The following PTN variants were observed in gnomAD, a reference collection of about 807,000 sequenced individuals.
PTN encodes pleiotrophin, also known as heparin affin regulatory protein.
Under a neutral mutation model 24.1 loss-of-function variants are expected in PTN, and 18 were observed. The observed-to-expected ratio is 0.75, with a 90% CI of 0.52 to 1.11. The LOEUF is 1.11. Among genes scored for constraint, PTN ranks in the 50% least tolerant of loss-of-function variants. The probability of loss-of-function intolerance (pLI) is 0.00; values close to 1 mark genes in which losing one functional copy is unlikely to be tolerated. For synonymous variants in PTN, 78 were observed against 68.6 expected (o/e 1.14, Z -0.67); for missense variants, 163 against 198.8 (o/e 0.82, Z 1.08).
chr7:137,278,954 T>C (rs1383371160), intron 1 of PTN, among the ~76,000 whole-genome samples: 2 of 137,842 alleles, frequency 1.5e-5, no homozygotes, highest in African/African-American at 5.5e-5. Context: ...ACAATAATAA[T>C]AATAATAATA....
At chr7:137,332,124 T>TA (rs1335827218) in intron 1 of PTN, among the ~76,000 whole-genome samples, 2 of 152,240 alleles carry the variant, frequency 1.3e-5, no homozygotes. Context: ...GCATAGCTGT[T>TA]AAAACATATT....
At chr7:137,323,753 C>T (rs1222599127) in intron 1 of PTN, among the ~76,000 whole-genome samples, 1 of 152,114 alleles carries the variant, frequency 6.6e-6, no homozygotes, top group Non-Finnish European at 1.5e-5. Context: ...TTAGAATCAC[C>T]ATGAGGGCTC....
intron 1 of PTN, among the ~76,000 whole-genome samples, chr7:137,284,302 C>A (rs1371138606): frequency 6.6e-6 from 1 of 152,010 alleles, no homozygotes; most frequent in African/African-American, 2.4e-5. Flanking sequence ...TGCTTCCTGA[C>A]CCTTCAGGAA....
chr7:137,270,187 G>A (rs1467357986), intron 1 of PTN, among the ~76,000 whole-genome samples: 14 of 152,268 alleles, frequency 9.2e-5, no homozygotes, highest in African/African-American at 3.4e-4. Context: ...TCCTCTCATA[G>A]GAAGTACAGA....
chr7:137,234,088 A>G (rs979673233), intron 4 of PTN, among the ~76,000 whole-genome samples: 18 of 151,848 alleles, frequency 1.2e-4, no homozygotes, highest in African/African-American at 4.4e-4. Flanking sequence ...GACTTTACTT[A>G]GGAATATATT....
chr7:137,318,261 C>T (rs1810106098), intron 1 of PTN, among the ~76,000 whole-genome samples: 1 of 152,098 alleles, frequency 6.6e-6, no homozygotes, highest in African/African-American at 2.4e-5. Context: ...GTGTGAGACT[C>T]GTCTTAATAA....
At chr7:137,335,090 G>A (rs1810424375) in intron 1 of PTN, among the ~76,000 whole-genome samples, 2 of 147,372 alleles carry the variant, frequency 1.4e-5, no homozygotes, top group Admixed American at 6.7e-5. Flanking sequence ...TATACCTAAT[G>A]CTAAATGACG....
intron 1 of PTN, among the ~76,000 whole-genome samples, chr7:137,288,444 T>C (rs1436289498): frequency 6.6e-6 from 1 of 152,328 alleles, no homozygotes. Flanking sequence ...TTTTCTAATA[T>C]GTTAAATGTG....
chr7:137,229,292 A>G (rs1808388935), intron 4 of PTN, among the ~76,000 whole-genome samples: 1 of 151,790 alleles, frequency 6.6e-6, no homozygotes, highest in African/African-American at 2.4e-5. Flanking sequence ...TGAGCAGGTC[A>G]ATGAATGTGC....
chr7:137,228,309 C>T (rs1808369241), intron 4 of PTN, among the ~76,000 whole-genome samples: 2 of 151,656 alleles, frequency 1.3e-5, no homozygotes, highest in Admixed American at 1.3e-4. Flanking sequence ...TGAGAGTGGG[C>T]AGGAGGAACA....
chr7:137,282,566 G>A (rs188481850), intron 1 of PTN, among the ~76,000 whole-genome samples: 1 of 151,848 alleles, frequency 6.6e-6, no homozygotes, highest in African/African-American at 2.4e-5. Flanking sequence ...CTTTTTGGAG[G>A]CCATTAAAAA....
At chr7:137,310,580 A>G (rs1809965322) in intron 1 of PTN, among the ~76,000 whole-genome samples, 1 of 151,180 alleles carries the variant, frequency 6.6e-6, no homozygotes, top group Non-Finnish European at 1.5e-5. Context: ...CTTTTTTTGT[A>G]TTTTTAGTAG....
At chr7:137,257,846 G>A (rs927318476) in intron 1 of PTN, among the ~76,000 whole-genome samples, 15 of 152,152 alleles carry the variant, frequency 9.9e-5, no homozygotes, top group Non-Finnish European at 2.1e-4. Context: ...CCCAAGCCAT[G>A]GGATGCTCAT....
chr7:137,247,857 A>G (rs1205776969), intron 4 of PTN, among the ~76,000 whole-genome samples: 1 of 152,212 alleles, frequency 6.6e-6, no homozygotes, highest in African/African-American at 2.4e-5. Flanking sequence ...ATTAAAACCC[A>G]TGGAGGTTAG....
intron 4 of PTN, among the ~76,000 whole-genome samples, chr7:137,242,766 C>T (rs1808652894): frequency 6.6e-6 from 1 of 152,178 alleles, no homozygotes; most frequent in African/African-American, 2.4e-5. Context: ...GTGACAAATA[C>T]CAGAAGCCTG....
At chr7:137,297,001 A>T (rs1032534762) in intron 1 of PTN, among the ~76,000 whole-genome samples, 2 of 152,096 alleles carry the variant, frequency 1.3e-5, no homozygotes, top group African/African-American at 2.4e-5. Flanking sequence ...TCCAAATCAG[A>T]GCTAATTTAA....
chr7:137,338,446 A>G (rs887317621), intron 1 of PTN, among the ~76,000 whole-genome samples: 1 of 152,240 alleles, frequency 6.6e-6, no homozygotes, highest in Non-Finnish European at 1.5e-5. Context: ...AATAAACAGC[A>G]TTAAAGGAAC....
chr7:137,269,227 C>T (rs1402528754), intron 1 of PTN, among the ~76,000 whole-genome samples: 3 of 152,226 alleles, frequency 2.0e-5, no homozygotes, highest in East Asian at 3.9e-4. Context: ...ACGTTCTGTT[C>T]TCTTCTTACT....
chr7:137,315,664 C>T (rs532763271), intron 1 of PTN, among the ~76,000 whole-genome samples: 1 of 152,286 alleles, frequency 6.6e-6, no homozygotes, highest in South Asian at 2.1e-4. Context: ...TTCCGTCTCA[C>T]ACCCCTTACT....
Sources: allele counts gnomAD v4.1 joint callset (sites outside exome capture counted in the v4.1 genomes callset), GRCh38; gene constraint gnomAD v4.1.1; transcripts MANE v1.5; gene names NCBI Gene and HGNC (gene_info 2026-07-23, HGNC 2026-07-21).